Variants in NOA1 observed in about 807,000 individuals in gnomAD.
The protein encoded by NOA1 is nitric oxide associated 1.
In NOA1, 35 loss-of-function variants were observed where a neutral mutation model predicts 58.4. The observed-to-expected ratio is 0.60, with a 90% CI of 0.46 to 0.79. The LOEUF (loss-of-function observed/expected upper bound fraction) is 0.79. Ranked by LOEUF, NOA1 falls within the 30% of genes least tolerant of loss-of-function variation. The pLI, the probability that NOA1 is intolerant of heterozygous loss-of-function variation, is 0.00. For missense variants in NOA1, 895 were observed against 894.6 expected (o/e 1.00, Z -0.01); for synonymous variants, 397 against 373.4 (o/e 1.06, Z -0.73).
Position 56,976,431 on chromosome 4 carries a change from C to T in NOA1, c.1144+11G>A. 1.2e-6 allele frequency: 2 copies of T among 1,609,270 alleles called. No homozygotes were observed. The highest frequency in any genetic ancestry group is 8.5e-7 in the Non-Finnish European group (1 of 1,176,450). Reference sequence around the variant, plus strand: ...CCAGGAAACGAAGAGGGCGAGCCTCCTAAAACTCACCTGGCCAAGGGGAGA... The same window carrying T: ...CCAGGAAACGAAGAGGGCGAGCCTCTTAAAACTCACCTGGCCAAGGGGAGA... On this transcript the variant is annotated intron_variant, in intron 1 of 6. Transcript: ENST00000264230.
chr4:56,965,159 C>A (rs1721677778), intron 5 of NOA1, among the ~76,000 whole-genome samples: 1 of 151,966 alleles, frequency 6.6e-6, no homozygotes, highest in South Asian at 2.1e-4. Context: ...ACCACCATAC[C>A]AGGCCAATTT....
At chr4:56,971,748 G>A (rs916438165) in intron 3 of NOA1, among the ~76,000 whole-genome samples, 9 of 152,136 alleles carry the variant, frequency 5.9e-5, no homozygotes, top group Non-Finnish European at 1.3e-4. Flanking sequence ...AAAGTAATGA[G>A]ATTGAATGAA....
intron 5 of NOA1, among the ~76,000 whole-genome samples, chr4:56,965,835 CTTTTTTT>C (rs10638725): frequency 8.7e-6 from 1 of 115,082 alleles, no homozygotes; most frequent in African/African-American, 3.3e-5. Context: ...TAAATTTTCC[CTTTTTTT>C]TTTTTTTTTT....
Position 56,970,777 on chromosome 4 carries a change from T to G in NOA1, c.1516-2262A>C, listed in dbSNP as rs189329522. Among the ~76,000 whole-genome samples the G allele has an allele frequency of 1.3e-3, 196 of 152,170 alleles. 2 individuals are homozygous for G. The highest frequency in any genetic ancestry group is 4.4e-3 in the African/African-American group (184 of 41,544). On this transcript the variant is annotated intron_variant, in intron 3 of 6. Coordinates refer to ENST00000264230, the MANE Select transcript of NOA1 (RefSeq NM_032313.4). ...GTGCACAGCCTGAGTCTTAATACTT[T>G]CATTTCACAACAGAGATCCTTGGTT...
At chr4:56,963,692 C>G in intron 6 of NOA1, 31 bp from the exon 7 acceptor site, 1 of 1,547,998 alleles carries the variant, frequency 6.5e-7, no homozygotes, top group African/African-American at 1.4e-5. Flanking sequence ...ACACAAAAGG[C>G]TGTTAGCAAT....
At chr4:56,968,910 G>A (rs1298065992) in intron 3 of NOA1, among the ~76,000 whole-genome samples, 5 of 152,190 alleles carry the variant, frequency 3.3e-5, no homozygotes, top group African/African-American at 7.2e-5. Flanking sequence ...AATGGTATAC[G>A]TGACCTTATG....
At position 56,976,231 on chromosome 4, in the gene NOA1, T is replaced by A. The variant is rs372364464; in HGVS notation, c.1144+211A>T. On this transcript the variant is annotated intron_variant, in intron 1 of 6. Transcript: ENST00000264230. ...AACAGAGACGTGCTCCATAAACACTTCCATTGAAAATTACTACAACACATC... is the reference window on the plus strand; with the variant it reads ...AACAGAGACGTGCTCCATAAACACTACCATTGAAAATTACTACAACACATC... Among the ~76,000 whole-genome samples, 171 of 152,298 alleles carry A rather than the reference T, an allele frequency of 1.1e-3. No individual in the cohort carries two copies. The highest frequency in any genetic ancestry group is 3.9e-3 in the African/African-American group (162 of 41,566).
intron 5 of NOA1, among the ~76,000 whole-genome samples, chr4:56,965,384 T>A (rs1472123380): frequency 6.6e-6 from 1 of 152,150 alleles, no homozygotes; most frequent in Non-Finnish European, 1.5e-5. Flanking sequence ...GATTTTGCAG[T>A]ATGGTTTCTG....
At chr4:56,964,072 GTTT>G (rs983100761) in intron 6 of NOA1, among the ~76,000 whole-genome samples, 1 of 141,870 alleles carries the variant, frequency 7.0e-6, no homozygotes, top group Non-Finnish European at 1.6e-5. Flanking sequence ...TTCACTTTTT[GTTT>G]TTTTTTTTTG....
chr4:56,974,354 A>C (rs1210762471), intron 1 of NOA1, among the ~76,000 whole-genome samples: 1 of 152,196 alleles, frequency 6.6e-6, no homozygotes, highest in African/African-American at 2.4e-5. Flanking sequence ...AGTTTTGTCA[A>C]CTTAAATTTA....
chr4:56,975,995 C>T (rs1473923454), intron 1 of NOA1, among the ~76,000 whole-genome samples: 2 of 151,818 alleles, frequency 1.3e-5, no homozygotes, highest in African/African-American at 4.8e-5. Context: ...TGCAGTGAGC[C>T]GAGATCACGC....
At position 56,976,741 on chromosome 4, in the gene NOA1, C is replaced by T. The variant is rs755621872; in HGVS notation, c.845G>A (p.Gly282Asp). Residue 282 changes from glycine (G) to aspartate (D), a missense_variant, in exon 1 of 7, where the codon GGC (glycine) becomes GAC (aspartate). Physicochemically the swap from Gly to Asp is moderately conservative, Grantham distance 94. This residue lies in a region of NOA1 where 680 missense variants were observed against 656.5 expected (regional missense o/e 1.04). Coordinates refer to ENST00000264230, the MANE Select transcript of NOA1 (RefSeq NM_032313.4). ...CARAGLLLAPGHQGPQRPVKD... is the reference protein window; with the variant it reads ...CARAGLLLAPDHQGPQRPVKD... The stretch of plus-strand genomic sequence containing the variant: ...GACGGGGCGCTGTGGCCCTTGGTGG[C>T]CAGGGGCCAGCAGGAGCCCGGCGCG... 1.1e-5 allele frequency: 18 copies of T among 1,611,126 alleles called. No homozygotes were observed. The highest frequency in any genetic ancestry group is 1.7e-4 in the Middle Eastern group (1 of 6,054).
chr4:56,977,077 G>A lies in NOA1; in HGVS notation c.509C>T (p.Ala170Val). Residue 170 changes from alanine (A) to valine (V), a missense_variant, in exon 1 of 7, where the codon GCA (alanine) becomes GTA (valine). Physicochemically the swap from Ala to Val is moderately conservative, Grantham distance 64. Around this residue, in one of 3 missense-constraint regions of NOA1, gnomAD observed 680 missense variants for 656.5 expected, o/e 1.04. Transcript: ENST00000264230. ...PREKFLRTAEADGGLARTVCQ... is the reference protein window; with the variant it reads ...PREKFLRTAEVDGGLARTVCQ... ...CACGGTCCGTGCCAGCCCGCCGTCT[G>A]CCTCCGCCGTGCGGAGGAACTTCTC... is the stretch of plus-strand genomic sequence containing the variant. The A allele has an allele frequency of 6.4e-7, 1 of 1,573,266 alleles. No individual in the cohort carries two copies.
rs1370939951 is a variant in NOA1, at chr4:56,973,172, G to A, written c.1491C>T (p.Thr497=). The change falls in exon 3 of 7, where the codon ACC becomes ACT. Residue 497 remains threonine (T), a synonymous_variant. Transcript: ENST00000264230. ...DVKDAHWFYD[T]PGITKENCIL... The stretch of plus-strand genomic sequence containing the variant: ...CACAATTTTCTTTTGTAATTCCAGG[G>A]GTGTCATAAAACCAGTGGGCATCTT... The A allele has an allele frequency of 6.2e-7, 1 of 1,613,796 alleles. No individual in the cohort carries two copies. Among genetic ancestry groups the A allele is most frequent in the African/African-American group, 1.3e-5 (1 of 74,866 alleles).
intron 1 of NOA1, among the ~76,000 whole-genome samples, chr4:56,974,280 G>A (rs1386837933): frequency 6.6e-6 from 1 of 152,184 alleles, no homozygotes; most frequent in African/African-American, 2.4e-5. Flanking sequence ...AATTCAAAGT[G>A]CAAGACAGAG....
At position 56,968,370 on chromosome 4, in the gene NOA1, C is replaced by G. The variant is rs1267581805; in HGVS notation, c.1647+14G>C. On this transcript the variant is annotated intron_variant, in intron 4 of 6. Transcript: ENST00000264230. Reference sequence around the variant, plus strand: ...ATTTTAAAATCATTTTTTAATAGTACAGACTTTTCTTACCTGCAGGAAATC... The same window carrying G: ...ATTTTAAAATCATTTTTTAATAGTAGAGACTTTTCTTACCTGCAGGAAATC... The G allele has an allele frequency of 2.5e-6, 4 of 1,606,072 alleles. No homozygotes were observed. The South Asian group carries it at 4.5e-5, about 18-fold the overall frequency.
chr4:56,972,442 A>G (rs1023634892), intron 3 of NOA1, among the ~76,000 whole-genome samples: 2 of 152,216 alleles, frequency 1.3e-5, no homozygotes, highest in African/African-American at 4.8e-5. Context: ...TACATTTTAA[A>G]ATATTTGTCT....
rs772947641 is a variant in NOA1 at position 56,963,553 on chromosome 4, T to A, written c.1994A>T (p.Asn665Ile). The change falls in exon 7 of 7, where the codon AAC (asparagine) becomes ATC (isoleucine). Residue 665 changes from asparagine to isoleucine, a missense_variant. This residue lies in a region of NOA1 where 212 missense variants were observed against 221.3 expected (regional missense o/e 0.96). Transcript: ENST00000264230. Reference protein sequence around the residue: ...VRPPLLPYIVNIKGQRIKKSV... With the variant: ...VRPPLLPYIVIIKGQRIKKSV... ...TTTCTTGATGCGCTGTCCTTTGATG[T>A]TAACAATATATGGCAAGAGAGGGGG... 7.4e-6 allele frequency: 12 copies of A among 1,614,134 alleles called. No homozygotes were observed. The East Asian group carries it at 2.5e-4, about 33-fold the overall frequency.
intron 2 of NOA1, 106 bp from the exon 3 acceptor site, chr4:56,973,459 G>C: frequency 3.2e-6 from 3 of 945,826 alleles, no homozygotes; most frequent in Non-Finnish European, 3.3e-6. Flanking sequence ...ACAGTGTAGG[G>C]AAGTGAGACC....
Sources: gnomAD v4.1 joint callset for allele counts (sites outside exome capture counted in the v4.1 genomes callset) on GRCh38, gnomAD v4.1.1 for gene constraint, gnomAD v4.1.1 regional missense constraint, MANE v1.5 for transcripts, NCBI Gene and HGNC (gene_info 2026-07-23, HGNC 2026-07-21) for gene names.